The following SCML2 variants were observed in gnomAD, a reference collection of about 807,000 sequenced individuals.
The protein encoded by SCML2 is sex comb on midleg-like protein 2.
Under a neutral mutation model 48.4 loss-of-function variants are expected in SCML2, and 6 were observed. That is an observed-to-expected ratio of 0.12 (90% confidence interval 0.07 to 0.24). The LOEUF is 0.24. SCML2 is among the 10% of genes least tolerant of loss of function. The probability of loss-of-function intolerance (pLI) is 1.00; values close to 1 mark genes in which losing one functional copy is unlikely to be tolerated. For missense variants in SCML2, 377 were observed against 528.2 expected, an observed-to-expected ratio of 0.71 and a Z score of 2.81; for synonymous variants, 181 against 189.5, an observed-to-expected ratio of 0.95 and a Z score of 0.37.
intron 7 of SCML2, among the ~76,000 whole-genome samples, chrX:18,302,807 A>G (rs951024162): frequency 1.8e-5 from 2 of 112,278 alleles, no homozygotes; most frequent in Admixed American, 9.5e-5. Context: ...TTTAGGCTCC[A>G]GATCTGCATG....
Position 18,270,775 on chromosome X carries a change from G to C in SCML2, c.731-4973C>G, listed in dbSNP as rs1027887166. 3.6e-5 allele frequency among the ~76,000 whole-genome samples: 4 copies of C among 110,843 alleles called. No individual in the cohort carries two copies. The Admixed American group carries it at 3.8e-4, about 11-fold the overall frequency. On this transcript the variant is annotated intron_variant, in intron 7 of 14. Coordinates refer to ENST00000251900, the MANE Select transcript of SCML2 (RefSeq NM_006089.3). ...ATAGGAAATGGATTTGTTTAAATAAGGTTAAAACTATATATAAAACTTTAT... is the reference window on the plus strand; with the variant it reads ...ATAGGAAATGGATTTGTTTAAATAACGTTAAAACTATATATAAAACTTTAT...
At chrX:18,274,141 G>A (rs934864432) in intron 7 of SCML2, among the ~76,000 whole-genome samples, 3 of 112,078 alleles carry the variant, frequency 2.7e-5, no homozygotes, top group Admixed American at 9.4e-5. Flanking sequence ...ATCTGTGGAT[G>A]GCAGAGCTAA....
chrX:18,354,326 G>A (rs1224759407), intron 1 of SCML2, among the ~76,000 whole-genome samples: 1 of 112,639 alleles, frequency 8.9e-6, no homozygotes, highest in African/African-American at 3.2e-5. Context: ...TCGGCCGGGC[G>A]CCCAAACCCC....
intron 1 of SCML2, among the ~76,000 whole-genome samples, chrX:18,345,922 A>T (rs891290169): frequency 1.0e-5 from 1 of 98,372 alleles, no homozygotes; most frequent in South Asian, 4.7e-4. Context: ...TCAGCAACTA[A>T]TTTTTTTTTT....
chrX:18,285,856 A>G (rs1277669630), intron 7 of SCML2, among the ~76,000 whole-genome samples: 1 of 111,156 alleles, frequency 9.0e-6, no homozygotes, highest in Non-Finnish European at 1.9e-5. Flanking sequence ...AATTTCTCTA[A>G]TTCATATATT....
chrX:18,250,634 C>A (rs1926621275), intron 11 of SCML2, among the ~76,000 whole-genome samples: 1 of 110,371 alleles, frequency 9.1e-6, no homozygotes, highest in African/African-American at 3.3e-5. Context: ...CCACCCACCT[C>A]GGCCTCCCAA....
intron 1 of SCML2, among the ~76,000 whole-genome samples, chrX:18,351,424 A>C: frequency 9.0e-6 from 1 of 111,276 alleles, no homozygotes; most frequent in Non-Finnish European, 1.9e-5. Context: ...TGATTTGCCC[A>C]CTGCAAACTA....
Position 18,304,987 on chromosome X carries a change from G to T in SCML2, c.715C>A (p.Pro239Thr). Residue 239 changes from proline (P) to threonine (T), a missense_variant, in exon 7 of 15, where the codon CCC (proline) becomes ACC (threonine). Physicochemically the swap from Pro to Thr is conservative, Grantham distance 38. This residue lies in a region of SCML2 where 299 missense variants were observed against 425.5 expected (regional missense o/e 0.70). Transcript: ENST00000251900. ...ATTATCTTACCACTAGTTCCTGGGG[G>T]TTGTAATACATCTCCTGTCAGGCGA... ...WCRLTGDVLQ[P>T]PGTSVPIVKN... is the part of the protein sequence containing the mutation. The T allele has an allele frequency of 8.3e-7, 1 of 1,209,422 alleles. No individual in the cohort carries two copies. The highest frequency in any genetic ancestry group is 1.1e-6 in the Non-Finnish European group (1 of 894,493).
At chrX:18,272,714 C>T (rs1242868377) in intron 7 of SCML2, among the ~76,000 whole-genome samples, 1 of 111,701 alleles carries the variant, frequency 9.0e-6, no homozygotes, top group Non-Finnish European at 1.9e-5. Context: ...TCTATTCCTA[C>T]CCTCCTTTCC....
rs1361305700 is a variant in SCML2 at position 18,287,657 on chromosome X, T to A, written c.730+17315A>T. On this transcript the variant is annotated intron_variant, in intron 7 of 14. Coordinates refer to ENST00000251900, the MANE Select transcript of SCML2 (RefSeq NM_006089.3). The stretch of plus-strand genomic sequence containing the variant: ...TGCCATTTTAAGTTGGCATATATGC[T>A]AAATTAAAATAAGAAAATCTAATTT... 2.4e-4 allele frequency among the ~76,000 whole-genome samples: 27 copies of A among 111,884 alleles called. No individual in the cohort carries two copies. The Admixed American group carries it at 2.6e-3, about 11-fold the overall frequency.
chrX:18,331,259 CAAAAAAAAAAAAAAA>C (rs35589774), intron 2 of SCML2, among the ~76,000 whole-genome samples: 7 of 16,265 alleles, frequency 4.3e-4, no homozygotes, highest in Admixed American at 1.8e-3. Flanking sequence ...GACTCCGTCT[CAAAAAAAAAAAAAAA>C]AAAAAAAAAA....
intron 7 of SCML2, among the ~76,000 whole-genome samples, chrX:18,281,599 C>A (rs1228202823): frequency 1.8e-5 from 2 of 108,246 alleles, no homozygotes; most frequent in African/African-American, 6.7e-5. Context: ...GTAATCCCAG[C>A]TACTCGGGAG....
chrX:18,339,418 T>C (rs1401535456), intron 1 of SCML2, among the ~76,000 whole-genome samples: 1 of 111,946 alleles, frequency 8.9e-6, no homozygotes, highest in Non-Finnish European at 1.9e-5. Context: ...GTATTGAAAA[T>C]AGCTTTTGGG....
chrX:18,291,748 A>G (rs1481547390), intron 7 of SCML2, among the ~76,000 whole-genome samples: 12 of 111,753 alleles, frequency 1.1e-4, no homozygotes, highest in Non-Finnish European at 2.3e-4. Flanking sequence ...ATGTGTTTAA[A>G]AAAAAAGAAT....
chrX:18,320,832 T>C (rs1209063996), intron 5 of SCML2, among the ~76,000 whole-genome samples: 1 of 111,574 alleles, frequency 9.0e-6, no homozygotes, highest in Non-Finnish European at 1.9e-5. Context: ...AGAAAGACAG[T>C]TTTCTGTCAA....
chrX:18,265,149 G>A (rs1400112648), intron 8 of SCML2, among the ~76,000 whole-genome samples: 1 of 111,832 alleles, frequency 8.9e-6, no homozygotes, highest in Admixed American at 9.5e-5. Flanking sequence ...ACTCTTCAGT[G>A]TCTTCAGGTT....
intron 6 of SCML2, among the ~76,000 whole-genome samples, chrX:18,311,015 A>G (rs1428044474): frequency 8.9e-6 from 1 of 111,740 alleles, no homozygotes; most frequent in Non-Finnish European, 1.9e-5. Flanking sequence ...CATAAGATAC[A>G]CTTTCTTTAT....
intron 13 of SCML2, among the ~76,000 whole-genome samples, chrX:18,243,687 C>T (rs1309151502): frequency 2.7e-5 from 3 of 111,802 alleles, no homozygotes; most frequent in Non-Finnish European, 5.6e-5. Flanking sequence ...TAAAAAAATA[C>T]ATAACTGAGA....
chrX:18,338,424 A>G (rs1929903122), intron 1 of SCML2, among the ~76,000 whole-genome samples: 1 of 106,726 alleles, frequency 9.4e-6, no homozygotes, highest in African/African-American at 3.4e-5. Flanking sequence ...AGCCTGGGCA[A>G]CAAAGGGAGA....
Sources: allele counts gnomAD v4.1 joint callset (sites outside exome capture counted in the v4.1 genomes callset), GRCh38; gene constraint gnomAD v4.1.1; regional missense constraint gnomAD v4.1.1; transcripts MANE v1.5; gene names NCBI Gene and HGNC (gene_info 2026-07-23, HGNC 2026-07-21).